Variants in NPTX1 observed in about 807,000 individuals in gnomAD.
NPTX1 encodes the protein neuronal pentraxin 1.
In NPTX1, 12 loss-of-function variants were observed where a neutral mutation model predicts 38.7. That is an observed-to-expected ratio of 0.31 (90% CI 0.20 to 0.50). NPTX1 has a LOEUF of 0.50. NPTX1 is among the 20% of genes least tolerant of loss of function. The pLI, the probability that NPTX1 is intolerant of heterozygous loss-of-function variation, is 0.98. For missense variants in NPTX1, 454 were observed against 592.2 expected, an observed-to-expected ratio of 0.77 and a Z score of 2.42; for synonymous variants, 272 against 264.9, an observed-to-expected ratio of 1.03 and a Z score of -0.26.
At chr17:80,471,095 C>G in intron 4 of NPTX1, 61 bp from the exon 5 acceptor site, 7 of 1,352,652 alleles carry the variant, frequency 5.2e-6, no homozygotes, top group Non-Finnish European at 6.1e-6. Flanking sequence ...GGGCCCATCC[C>G]TAGGCCGGGG....
At chr17:80,473,084 C>CT in intron 3 of NPTX1, 116 bp downstream of exon 3, 2 of 1,274,874 alleles carry the variant, frequency 1.6e-6, no homozygotes, top group Non-Finnish European at 2.2e-6. Context: ...CTGGCAAACA[C>CT]TTTCCTTGGG....
chr17:80,473,940 A>G, intron 2 of NPTX1: 1 of 164,186 alleles, frequency 6.1e-6, no homozygotes, highest in Non-Finnish European at 1.3e-5. Context: ...CCCACCCGAC[A>G]GCCAGGCCCT....
chr17:80,476,451 G>A lies in NPTX1; in HGVS notation c.-5C>T. The A allele has an allele frequency of 1.6e-6, 2 of 1,265,260 alleles. No homozygotes were observed. Among genetic ancestry groups the A allele is most frequent in the Non-Finnish European group, 2.0e-6 (2 of 1,010,704 alleles). 78.4% of individuals were successfully genotyped at this position (1,265,260 alleles called of 1,614,324 possible). A position where few individuals can be genotyped will look rare whatever the true frequency, so the allele number is the denominator to read the frequency against. ...CGCGGCGCGGCCGGCCGGCATGGCT[G>A]CGGGCACCGGGCGCTCCGGGCCCGG... On this transcript the variant is annotated 5_prime_UTR_variant, in exon 1 of 5. Transcript: ENST00000306773. The surrounding 1 kb of genome is among the most constrained non-coding windows in gnomAD (Gnocchi z 6.3).
Position 80,475,590 on chromosome 17 carries a change from G to A in NPTX1, c.573C>T (p.Pro191=). The change falls in exon 2 of 5, where the codon CCC becomes CCT. Residue 191 remains proline (P), a synonymous_variant. Coordinates refer to ENST00000306773, the MANE Select transcript of NPTX1 (RefSeq NM_002522.4). The surrounding 1 kb of genome is among the most constrained non-coding windows in gnomAD (Gnocchi z 6.5). ...TGACCCTCTCCTCGGTGTCGTTCCT[G>A]GGGCCCCCCTTGCCCTCCTCCAGGG... ...VNTLEEGKGG[P]RNDTEERVKI... 1.9e-6 allele frequency: 3 copies of A among 1,612,674 alleles called. No homozygotes were observed. Among genetic ancestry groups the A allele is most frequent in the Non-Finnish European group, 2.5e-6 (3 of 1,179,792 alleles).
At position 80,475,989 on chromosome 17, in the gene NPTX1, G is replaced by C. The variant is rs2083879330; in HGVS notation, c.444+14C>G. The C allele has an allele frequency of 1.3e-6, 2 of 1,599,792 alleles. No individual in the cohort carries two copies. Among genetic ancestry groups the C allele is most frequent in the Non-Finnish European group, 1.7e-6 (2 of 1,173,042 alleles). On this transcript the variant is annotated intron_variant, in intron 1 of 4. Transcript: ENST00000306773. The surrounding 1 kb of genome is among the most constrained non-coding windows in gnomAD (Gnocchi z 6.5). ...GAGCCGGAGGGGGAACCGGAGCCGA[G>C]GGCGCGCGCGGACCTCGAGGTTCTC...
intron 2 of NPTX1, 23 bp from the exon 3 acceptor site, chr17:80,473,467 A>G: frequency 1.9e-6 from 3 of 1,612,464 alleles, no homozygotes; most frequent in Non-Finnish European, 2.5e-6. Flanking sequence ...CAGTCCTGAC[A>G]TCTGCACCTG....
In NPTX1 at chr17:80,470,705, C is replaced by T. The variant is rs921014742; in HGVS notation, c.*108G>A. On this transcript the variant is annotated 3_prime_UTR_variant, in exon 5 of 5. Transcript: ENST00000306773. ...TGTGCGTGTGCGTGTGCAGGGGCGA[C>T]GGCCTCGGTTCATTCCTGGGGAAAA... The T allele has an allele frequency of 1.1e-5, 9 of 786,182 alleles. No individual in the cohort carries two copies. The highest frequency in any genetic ancestry group is 6.9e-5 in the South Asian group (4 of 57,752). The allele number at this position is 786,182 out of a possible 1,614,324, so 48.7% of individuals were successfully genotyped here.
At position 80,473,641 on chromosome 17, in the gene NPTX1, C is replaced by G; in HGVS notation, c.653-197G>C. ...AGGGCCAGTCTGTAAAGAGCTGACC[C>G]AAGCTCTTCATGCTCCAGGTCTGGC... is the stretch of plus-strand genomic sequence containing the variant. On this transcript the variant is annotated intron_variant, in intron 2 of 4. Coordinates refer to ENST00000306773, the MANE Select transcript of NPTX1 (RefSeq NM_002522.4). The G allele has an allele frequency of 5.0e-6, 3 of 598,808 alleles. No homozygotes were observed. The Admixed American group carries it at 8.9e-5, about 18-fold the overall frequency. The allele number at this position is 598,808 out of a possible 1,614,324, so 37.1% of individuals were successfully genotyped here. A position where few individuals can be genotyped will look rare whatever the true frequency, so the allele number is the denominator to read the frequency against.
At chr17:80,472,076 G>A (rs1240416035) in intron 3 of NPTX1, among the ~76,000 whole-genome samples, 165 bp from the exon 4 acceptor site, 3 of 152,254 alleles carry the variant, frequency 2.0e-5, no homozygotes, top group African/African-American at 7.2e-5. Flanking sequence ...GCGTCTGTCA[G>A]CCCCGCCTGG....
At position 80,475,446 on chromosome 17, in the gene NPTX1, G is replaced by A; in HGVS notation, c.652+65C>T. On this transcript the variant is annotated intron_variant, in intron 2 of 4. Transcript: ENST00000306773. The surrounding 1 kb of genome is among the most constrained non-coding windows in gnomAD (Gnocchi z 6.5). ...GTGCAGAGCTGGGCTGTTAGGGATC[G>A]GGACCGAGGCAGGGTCGGGCAAGCA... The A allele has an allele frequency of 3.6e-6, 5 of 1,373,894 alleles. No individual in the cohort carries two copies. The highest frequency in any genetic ancestry group is 5.0e-6 in the Non-Finnish European group (5 of 993,088). The allele number at this position is 1,373,894 out of a possible 1,614,324, so 85.1% of individuals were successfully genotyped here.
chr17:80,467,184 C>CT lies in NPTX1; in HGVS notation c.*3628dup, dbSNP rs11436908. 0.84 allele frequency: 112,428 copies of CT among 133,558 alleles called. 47,085 individuals are homozygous for CT. Among genetic ancestry groups the CT allele is most frequent in the Non-Finnish European group, 0.87 (56,274 of 64,720 alleles). 8.3% of individuals were successfully genotyped at this position (133,558 alleles called of 1,614,324 possible). On this transcript the variant is annotated 3_prime_UTR_variant, in exon 5 of 5. Transcript: ENST00000306773. ...CAAAATTGGGACTCTAAGTATTGGGCTTTTTTTTTCTCTTCAATGACTTGT... is the reference window on the plus strand; with the variant it reads ...CAAAATTGGGACTCTAAGTATTGGGCTTTTTTTTTTCTCTTCAATGACTTGT...
intron 3 of NPTX1, among the ~76,000 whole-genome samples, chr17:80,472,808 G>A (rs1444621383): frequency 6.6e-6 from 1 of 152,168 alleles, no homozygotes; most frequent in Admixed American, 6.5e-5. Flanking sequence ...CTTGGACTCA[G>A]GAAAAATCTC....
In NPTX1 at chr17:80,468,173, C is replaced by G. The variant is rs2083816602; in HGVS notation, c.*2640G>C. ...ACCTTTCTCGGGGCCAGCAAAGTGC[C>G]AAGTGTCAACACAGTGAGGGAGTCG... On this transcript the variant is annotated 3_prime_UTR_variant, in exon 5 of 5. Transcript: ENST00000306773. 1 of 152,748 alleles carries G rather than the reference C, an allele frequency of 6.5e-6. No homozygotes were observed. The highest frequency in any genetic ancestry group is 1.5e-5 in the Non-Finnish European group (1 of 68,104). 9.5% of individuals were successfully genotyped at this position (152,748 alleles called of 1,614,324 possible).
chr17:80,474,790 C>G (rs2083866912), intron 2 of NPTX1: 1 of 139,420 alleles, frequency 7.2e-6, no homozygotes, highest in Non-Finnish European at 1.5e-5. Flanking sequence ...GGCCTTGCTC[C>G]GCACCGGGCA....
chr17:80,472,045 C>T lies in NPTX1; in HGVS notation c.898-134G>A, dbSNP rs138142743. The T allele has an allele frequency of 8.8e-3, 7,572 of 855,884 alleles. 50 individuals are homozygous for T. The highest frequency in any genetic ancestry group is 0.011 in the Non-Finnish European group (6,478 of 573,628). The allele number at this position is 855,884 out of a possible 1,614,324, so 53.0% of individuals were successfully genotyped here. A position where few individuals can be genotyped will look rare whatever the true frequency, so the allele number is the denominator to read the frequency against. On this transcript the variant is annotated intron_variant, in intron 3 of 4. Coordinates refer to ENST00000306773, the MANE Select transcript of NPTX1 (RefSeq NM_002522.4). ...AATAACTATTACTGAATTCTCACAGCACCTACTGCCCCAGACTTCAGCGTC... is the reference window on the plus strand; with the variant it reads ...AATAACTATTACTGAATTCTCACAGTACCTACTGCCCCAGACTTCAGCGTC...
At position 80,475,949 on chromosome 17, in the gene NPTX1, G is replaced by T; in HGVS notation, c.444+54C>A. 6.9e-7 allele frequency: 1 copy of T among 1,443,886 alleles called. No individual in the cohort carries two copies. Among genetic ancestry groups the T allele is most frequent in the Non-Finnish European group, 9.6e-7 (1 of 1,038,878 alleles). The allele number at this position is 1,443,886 out of a possible 1,614,324, so 89.4% of individuals were successfully genotyped here. The stretch of plus-strand genomic sequence containing the variant: ...CCGGGTAGGGAACGGGGTGGGGGAG[G>T]GCAGAGGGGCGAGCGAGCCGGAGGG... On this transcript the variant is annotated intron_variant, in intron 1 of 4. Transcript: ENST00000306773. The surrounding 1 kb of genome is among the most constrained non-coding windows in gnomAD (Gnocchi z 6.5).
Position 80,470,857 on chromosome 17 carries a change from C to T in NPTX1, c.1255G>A (p.Gly419Arg), listed in dbSNP as rs921403168. The T allele has an allele frequency of 7.5e-6, 12 of 1,607,614 alleles. No individual in the cohort carries two copies. The highest frequency in any genetic ancestry group is 2.2e-5 in the East Asian group (1 of 44,688). Residue 419 changes from glycine (G) to arginine (R), a missense_variant, in exon 5 of 5, where the codon GGG becomes AGG. Gly to Arg is a moderately radical substitution (Grantham distance 125, BLOSUM62 -2). Transcript: ENST00000306773. The part of the protein sequence containing the change: ...WAESHIEIYG[G>R]ATKWTFEACR... ...GCCTCGAAGGTCCACTTGGTGGCCCCTCCGTAGATCTCGATGTGGGATTCA... is the reference window on the plus strand; with the variant it reads ...GCCTCGAAGGTCCACTTGGTGGCCCTTCCGTAGATCTCGATGTGGGATTCA...
chr17:80,471,582 C>G, intron 4 of NPTX1, 150 bp downstream of exon 4: 1 of 1,281,916 alleles, frequency 7.8e-7, no homozygotes. Flanking sequence ...CATGTCCACC[C>G]AGGGCACAGG....
chr17:80,476,261 G>T lies in NPTX1; in HGVS notation c.186C>A (p.Arg62=), dbSNP rs769291012. The T allele has an allele frequency of 6.4e-7, 1 of 1,554,382 alleles. No individual in the cohort carries two copies. The highest frequency in any genetic ancestry group is 1.9e-5 in the Admixed American group (1 of 52,660). Reference sequence around the variant, plus strand: ...TCTCCTTCTGCTGCAGCACCGTCTCGCGGAGCTGCAGCACGCTGCTCCGGA... The same window carrying T: ...TCTCCTTCTGCTGCAGCACCGTCTCTCGGAGCTGCAGCACGCTGCTCCGGA... ...EELRSSVLQL[R]ETVLQQKETI... is the part of the protein sequence containing the mutation. Residue 62 remains arginine (R), a synonymous_variant, in exon 1 of 5, where the codon CGC becomes CGA. Coordinates refer to ENST00000306773, the MANE Select transcript of NPTX1 (RefSeq NM_002522.4). The surrounding 1 kb of genome is among the most constrained non-coding windows in gnomAD (Gnocchi z 6.3).
Sources: allele counts gnomAD v4.1 joint callset (sites outside exome capture counted in the v4.1 genomes callset), GRCh38; gene constraint gnomAD v4.1.1; non-coding constraint Gnocchi (gnomAD v3.1); transcripts MANE v1.5; gene names NCBI Gene and HGNC (gene_info 2026-07-23, HGNC 2026-07-21).